Variants in LGR5 observed in about 807,000 individuals in gnomAD.
LGR5 encodes leucine-rich repeat-containing G protein-coupled receptor 5.
A neutral mutation model predicts 76.7 loss-of-function variants in LGR5; 54 were observed. The ratio of observed to expected loss-of-function variants is 0.70; its 90% confidence interval spans 0.57 to 0.88. The LOEUF (loss-of-function observed/expected upper bound fraction) is 0.88. Ranked by LOEUF, LGR5 falls within the 40% of genes least tolerant of loss-of-function variation. The probability of loss-of-function intolerance (pLI) is 0.00; values close to 1 mark genes in which losing one functional copy is unlikely to be tolerated. For synonymous variants in LGR5, 406 were observed against 421.9 expected, an observed-to-expected ratio of 0.96 and a Z score of 0.46; for missense variants, 1,078 against 1,073.3, an observed-to-expected ratio of 1.00 and a Z score of -0.06.
At chr12:71,524,295 G>C in intron 2 of LGR5, 111 bp from the exon 3 acceptor site, 1 of 701,976 alleles carries the variant, frequency 1.4e-6, no homozygotes, top group South Asian at 2.5e-5. Flanking sequence ...GTTTACAGTT[G>C]CTTTTGATAT....
In LGR5 at chr12:71,582,602, A is replaced by T. The variant is rs529151965; in HGVS notation, c.1636+63A>T. The T allele has an allele frequency of 2.4e-6, 3 of 1,266,418 alleles. No individual in the cohort carries two copies. The African/African-American group carries it at 4.4e-5, about 19-fold the overall frequency. 78.4% of individuals were successfully genotyped at this position (1,266,418 alleles called of 1,614,324 possible). The stretch of plus-strand genomic sequence containing the variant: ...CACCACTGATTCTGAGTCCATGAAA[A>T]ACAATACAGCTATACTTTAAAAGCC... On this transcript the variant is annotated intron_variant, in intron 17 of 17. Transcript: ENST00000266674.
At chr12:71,534,502 TA>T (rs144637655) in intron 3 of LGR5, among the ~76,000 whole-genome samples, 14,801 of 152,200 alleles carry the variant, frequency 0.097, 754 homozygotes, top group Non-Finnish European at 0.11. Context: ...GCAGATCCTT[TA>T]AAAAACATAT....
intron 1 of LGR5, among the ~76,000 whole-genome samples, chr12:71,480,970 C>T (rs936057874): frequency 6.6e-6 from 1 of 152,196 alleles, no homozygotes; most frequent in South Asian, 2.1e-4. Flanking sequence ...TATCTTTCCT[C>T]ATACGATAGC....
intron 2 of LGR5, among the ~76,000 whole-genome samples, chr12:71,511,496 A>T (rs1406604733): frequency 6.6e-6 from 1 of 152,168 alleles, no homozygotes; most frequent in Non-Finnish European, 1.5e-5. Flanking sequence ...GTGGTTCTCG[A>T]AATCTAGTGA....
At chr12:71,532,503 G>A (rs547344865) in intron 3 of LGR5, among the ~76,000 whole-genome samples, 2 of 152,062 alleles carry the variant, frequency 1.3e-5, no homozygotes, top group African/African-American at 2.4e-5. Flanking sequence ...TAATACAAAC[G>A]TAATTACGTT....
At chr12:71,479,177 G>A (rs552839719) in intron 1 of LGR5, among the ~76,000 whole-genome samples, 2 of 152,024 alleles carry the variant, frequency 1.3e-5, no homozygotes, top group South Asian at 4.2e-4. Flanking sequence ...GTTCATTAAT[G>A]TCTCCTTGAT....
chr12:71,577,575 G>A (rs985449536), intron 13 of LGR5, among the ~76,000 whole-genome samples: 4 of 152,150 alleles, frequency 2.6e-5, no homozygotes, highest in African/African-American at 9.7e-5. Context: ...CTTGTCAGAA[G>A]AAGAGACTCA....
At chr12:71,534,253 T>C (rs1248538899) in intron 3 of LGR5, among the ~76,000 whole-genome samples, 1 of 152,222 alleles carries the variant, frequency 6.6e-6, no homozygotes, top group East Asian at 1.9e-4. Context: ...TGGGAATTTG[T>C]TTCCATGCTA....
intron 8 of LGR5, among the ~76,000 whole-genome samples, chr12:71,563,238 C>T (rs1878150152): frequency 6.6e-6 from 1 of 152,184 alleles, no homozygotes; most frequent in South Asian, 2.1e-4. Context: ...TCTTCAAAGC[C>T]CGCATTTCTG....
chr12:71,561,716 T>C (rs1212065693), intron 7 of LGR5, 65 bp from the exon 8 acceptor site: 22 of 858,974 alleles, frequency 2.6e-5, no homozygotes, highest in Non-Finnish European at 3.3e-5. Flanking sequence ...GTGGTCAGGG[T>C]GGGGGCCTCT....
chr12:71,506,155 A>T (rs10784920), intron 2 of LGR5, among the ~76,000 whole-genome samples: 88,567 of 152,038 alleles, frequency 0.58, 26,173 homozygotes, highest in East Asian at 0.85. Flanking sequence ...TCAGAATTTT[A>T]AAAAATTACA....
At chr12:71,474,303 T>C (rs7306964) in intron 1 of LGR5, among the ~76,000 whole-genome samples, 5 of 152,236 alleles carry the variant, frequency 3.3e-5, no homozygotes, top group African/African-American at 9.6e-5. Context: ...AATCCCACAG[T>C]TTTCACTCAT....
intron 2 of LGR5, among the ~76,000 whole-genome samples, chr12:71,512,496 C>G (rs2732489): frequency 0.81 from 123,726 of 152,170 alleles, 50,686 homozygotes; most frequent in African/African-American, 0.91. Flanking sequence ...TAATGACCAG[C>G]GGTTGTCCCC....
chr12:71,442,753 A>C (rs1411333677), intron 1 of LGR5, among the ~76,000 whole-genome samples: 1 of 152,196 alleles, frequency 6.6e-6, no homozygotes, highest in Non-Finnish European at 1.5e-5. Context: ...TGCAGACATT[A>C]AGGGTAGATG....
chr12:71,516,249 A>C (rs1025175444), intron 2 of LGR5, among the ~76,000 whole-genome samples: 4 of 152,130 alleles, frequency 2.6e-5, no homozygotes, highest in African/African-American at 9.7e-5. Context: ...GGCCCAGGAA[A>C]GTTAAGTAAC....
chr12:71,572,360 G>A (rs1878650371), intron 12 of LGR5, among the ~76,000 whole-genome samples: 4 of 152,200 alleles, frequency 2.6e-5, no homozygotes, highest in Admixed American at 1.3e-4. Context: ...GCGATTACAG[G>A]CGTGAGCCAC....
intron 2 of LGR5, among the ~76,000 whole-genome samples, chr12:71,508,070 A>G (rs1418099462): frequency 6.6e-6 from 1 of 151,326 alleles, no homozygotes; most frequent in Non-Finnish European, 1.5e-5. Flanking sequence ...TACAAAAAAA[A>G]AAAAAAAAAT....
chr12:71,572,796 T>C, intron 12 of LGR5, 54 bp from the exon 13 acceptor site: 1 of 1,355,204 alleles, frequency 7.4e-7, no homozygotes, highest in South Asian at 1.2e-5. Context: ...CTGAAGTCTG[T>C]AGTCTTTGAA....
At chr12:71,451,570 G>A (rs570939418) in intron 1 of LGR5, among the ~76,000 whole-genome samples, 1 of 152,110 alleles carries the variant, frequency 6.6e-6, no homozygotes, top group African/African-American at 2.4e-5. Context: ...GAAGCTTTCT[G>A]TAACCCCACA....
Sources: allele counts gnomAD v4.1 joint callset (sites outside exome capture counted in the v4.1 genomes callset), GRCh38; gene constraint gnomAD v4.1.1; transcripts MANE v1.5; gene names NCBI Gene and HGNC (gene_info 2026-07-23, HGNC 2026-07-21).